Variants in CRB1 observed in about 807,000 individuals in gnomAD.
CRB1 encodes the protein crumbs cell polarity complex component 1.
CRB1 carries 83 observed loss-of-function variants against 120.0 expected under a neutral mutation model. The observed-to-expected ratio is 0.69, with a 90% CI of 0.58 to 0.83. CRB1 has a LOEUF of 0.83. Among genes scored for constraint, CRB1 ranks in the 40% least tolerant of loss-of-function variants. CRB1 has a pLI of 0.00. For missense variants in CRB1, 1,699 were observed against 1,687.6 expected, an observed-to-expected ratio of 1.01 and a Z score of -0.12; for synonymous variants, 625 against 612.5, an observed-to-expected ratio of 1.02 and a Z score of -0.30.
chr1:197,425,176 A>G (rs916584762), intron 6 of CRB1, among the ~76,000 whole-genome samples: 13 of 152,184 alleles, frequency 8.5e-5, no homozygotes, highest in African/African-American at 3.1e-4. Context: ...CTTATTAAGC[A>G]TTTTATCTCA....
At chr1:197,384,174 C>T (rs1411057234) in intron 5 of CRB1, among the ~76,000 whole-genome samples, 1 of 152,134 alleles carries the variant, frequency 6.6e-6, no homozygotes, top group Non-Finnish European at 1.5e-5. Context: ...CTAAAAAATC[C>T]TCTAAGGTAT....
chr1:197,450,028 A>G (rs1165865354), intron 11 of CRB1, among the ~76,000 whole-genome samples: 1 of 152,126 alleles, frequency 6.6e-6, no homozygotes, highest in Non-Finnish European at 1.5e-5. Flanking sequence ...ACTGCACTCC[A>G]AAAAAATAAA....
At chr1:197,318,888 A>G (rs1658011232) in intron 1 of CRB1, among the ~76,000 whole-genome samples, 1 of 152,162 alleles carries the variant, frequency 6.6e-6, no homozygotes, top group African/African-American at 2.4e-5. Context: ...GCAAAGTTAT[A>G]GTTACACAGG....
At chr1:197,364,125 C>CTG (rs1660937236) in intron 5 of CRB1, 2 of 828,330 alleles carry the variant, frequency 2.4e-6, no homozygotes, top group Non-Finnish European at 3.7e-6. Context: ...GTGGATGGGA[C>CTG]ACCCAGTATG....
intron 1 of CRB1, among the ~76,000 whole-genome samples, chr1:197,277,403 T>C (rs1377240615): frequency 3.9e-5 from 6 of 152,002 alleles, no homozygotes; most frequent in Admixed American, 6.6e-5. Context: ...CTAATGAGGC[T>C]GAGTTTACGG....
chr1:197,371,065 T>C (rs1217701540), intron 5 of CRB1, among the ~76,000 whole-genome samples: 1 of 152,204 alleles, frequency 6.6e-6, no homozygotes, highest in Non-Finnish European at 1.5e-5. Flanking sequence ...TCATATACTT[T>C]AGAACTTTTT....
rs1040548798 is a variant in CRB1, at chr1:197,329,099, T to C, written c.652+96T>C. The C allele has an allele frequency of 2.5e-5, 27 of 1,094,388 alleles. No homozygotes were observed. The African/African-American group carries it at 3.9e-4, about 16-fold the overall frequency. 67.8% of individuals were successfully genotyped at this position (1,094,388 alleles called of 1,614,324 possible). On this transcript the variant is annotated intron_variant, in intron 2 of 11. Transcript: ENST00000367400. ...ATTTTATTTTTCACACAATCATTTA[T>C]GAAAATGGCCAAGTTCTTGACAGGA...
intron 5 of CRB1, among the ~76,000 whole-genome samples, chr1:197,418,000 C>T (rs1263297553): frequency 6.6e-6 from 1 of 151,602 alleles, no homozygotes; most frequent in East Asian, 1.9e-4. Flanking sequence ...GAGATCGTGA[C>T]ACTACTATCT....
At chr1:197,460,001 CTTTTTTTTTTTT>C (rs10679172) in intron 11 of CRB1, among the ~76,000 whole-genome samples, 1 of 75,614 alleles carries the variant, frequency 1.3e-5, no homozygotes, top group Admixed American at 1.8e-4. Context: ...AAGCCCCCCT[CTTTTTTTTTTTT>C]TTTTTTTTTT....
upstream of CRB1, among the ~76,000 whole-genome samples, chr1:197,263,277 TC>T (rs1298037861): frequency 6.6e-6 from 1 of 152,156 alleles, no homozygotes; most frequent in African/African-American, 2.4e-5. Flanking sequence ...TCTCTGATGA[TC>T]AGTGATGTTG....
At chr1:197,259,598 G>T in the CRB1 span, among the ~76,000 whole-genome samples, 2 of 152,294 alleles carry the variant, frequency 1.3e-5, no homozygotes, top group East Asian at 3.9e-4. Flanking sequence ...AAACCTAGGT[G>T]ATGGGTTGAT....
intron 1 of CRB1, among the ~76,000 whole-genome samples, chr1:197,277,074 C>T (rs1002453692): frequency 1.1e-4 from 17 of 151,894 alleles, no homozygotes; most frequent in Non-Finnish European, 1.9e-4. Flanking sequence ...ATTTGGCAAA[C>T]ACTACAAATC....
At chr1:197,453,259 G>T (rs1196895564) in intron 11 of CRB1, among the ~76,000 whole-genome samples, 1 of 146,252 alleles carries the variant, frequency 6.8e-6, no homozygotes, top group Non-Finnish European at 1.5e-5. Flanking sequence ...AAGTATGTGT[G>T]TATACTTGTG....
intron 5 of CRB1, among the ~76,000 whole-genome samples, chr1:197,376,902 CCTCA>C (rs1363369664): frequency 6.6e-6 from 1 of 152,084 alleles, no homozygotes; most frequent in African/African-American, 2.4e-5. Flanking sequence ...CCTCCTGAGT[CCTCA>C]CTCTCTTCAC....
chr1:197,314,185 T>C (rs1657712486), intron 1 of CRB1, among the ~76,000 whole-genome samples: 1 of 152,222 alleles, frequency 6.6e-6, no homozygotes, highest in Non-Finnish European at 1.5e-5. Context: ...ATCCCACAGA[T>C]CACTGCAGCT....
chr1:197,427,334 T>C (rs1021279551), intron 6 of CRB1, 120 bp from the exon 7 acceptor site: 1 of 759,756 alleles, frequency 1.3e-6, no homozygotes, highest in African/African-American at 1.7e-5. Context: ...TGTATGAGTG[T>C]GTATGCTTGT....
At chr1:197,307,158 T>C (rs1393822356) in intron 1 of CRB1, among the ~76,000 whole-genome samples, 1 of 152,200 alleles carries the variant, frequency 6.6e-6, no homozygotes, top group African/African-American at 2.4e-5. Flanking sequence ...CTATATAGTT[T>C]TCACAGAACT....
intron 11 of CRB1, among the ~76,000 whole-genome samples, chr1:197,448,763 G>A (rs1665821582): frequency 6.6e-6 from 1 of 151,942 alleles, no homozygotes; most frequent in Non-Finnish European, 1.5e-5. Flanking sequence ...TTGCTATTTT[G>A]TACTTCTTTT....
At chr1:197,332,970 T>G (rs1306044039) in intron 2 of CRB1, among the ~76,000 whole-genome samples, 1 of 152,126 alleles carries the variant, frequency 6.6e-6, no homozygotes, top group Non-Finnish European at 1.5e-5. Context: ...GCAATCAGCA[T>G]GGATGTGCTG....
Sources: allele counts gnomAD v4.1 joint callset (sites outside exome capture counted in the v4.1 genomes callset), GRCh38; gene constraint gnomAD v4.1.1; transcripts MANE v1.5; gene names NCBI Gene and HGNC (gene_info 2026-07-23, HGNC 2026-07-21).